CTNND2: variants seen among roughly 807,000 people sequenced by gnomAD.
The protein encoded by CTNND2 is catenin delta 2, also known as catenin delta-2.
In CTNND2, 22 loss-of-function variants were observed where a neutral mutation model predicts 144.4. The observed-to-expected ratio is 0.15, with a 90% CI of 0.11 to 0.22. The LOEUF is 0.22. Among genes scored for constraint, CTNND2 ranks in the 10% least tolerant of loss-of-function variants. CTNND2 has a pLI of 1.00. For missense variants in CTNND2, 1,353 were observed against 1,618.8 expected (o/e 0.84, Z 2.82); for synonymous variants, 751 against 695.6 (o/e 1.08, Z -1.25).
chr5:11,756,055 C>T (rs1788918139), intron 1 of CTNND2, among the ~76,000 whole-genome samples: 1 of 151,588 alleles, frequency 6.6e-6, no homozygotes, highest in Non-Finnish European at 1.5e-5. Context: ...TGGTCTTTCT[C>T]ATCTGAGTAA....
intron 3 of CTNND2, among the ~76,000 whole-genome samples, chr5:11,493,929 C>T (rs556800721): frequency 1.7e-4 from 26 of 150,980 alleles, no homozygotes; most frequent in Middle Eastern, 3.5e-3. Flanking sequence ...TTTGTAGCTG[C>T]GATAATTTAG....
chr5:11,731,548 C>T (rs1787390454), intron 2 of CTNND2, among the ~76,000 whole-genome samples: 1 of 152,140 alleles, frequency 6.6e-6, no homozygotes, highest in Non-Finnish European at 1.5e-5. Context: ...TTACAAGAAA[C>T]ATGACTTTTA....
intron 3 of CTNND2, among the ~76,000 whole-genome samples, chr5:11,546,515 G>T (rs1432231156): frequency 1.3e-5 from 2 of 152,102 alleles, no homozygotes; most frequent in African/African-American, 2.4e-5. Flanking sequence ...GAGGTAATTA[G>T]CAAGTTTAGT....
At chr5:11,228,263 T>C (rs544730724) in intron 10 of CTNND2, among the ~76,000 whole-genome samples, 1 of 148,216 alleles carries the variant, frequency 6.7e-6, no homozygotes, top group East Asian at 2.1e-4. Context: ...GAGAATCACT[T>C]GTACCCAGGG....
chr5:11,457,242 A>AT (rs34524144), intron 3 of CTNND2, among the ~76,000 whole-genome samples: 81 of 150,080 alleles, frequency 5.4e-4, no homozygotes, highest in African/African-American at 1.7e-3. Flanking sequence ...TCTCTACACA[A>AT]TTTTTTTTTT....
At chr5:11,237,990 C>T (rs1741825057) in intron 9 of CTNND2, among the ~76,000 whole-genome samples, 1 of 152,158 alleles carries the variant, frequency 6.6e-6, no homozygotes, top group Non-Finnish European at 1.5e-5. Context: ...TTATGCATTG[C>T]ACTTTCTTTT....
chr5:11,117,861 T>C (rs1285875224), intron 12 of CTNND2, among the ~76,000 whole-genome samples: 2 of 152,228 alleles, frequency 1.3e-5, no homozygotes, highest in African/African-American at 4.8e-5. Flanking sequence ...GAAAGTCTTC[T>C]AGGTTTACTC....
intron 1 of CTNND2, among the ~76,000 whole-genome samples, chr5:11,779,790 T>G (rs1168760192): frequency 1.3e-5 from 2 of 152,218 alleles, no homozygotes; most frequent in Non-Finnish European, 2.9e-5. Context: ...CAGTTTAATG[T>G]ATTAAATTTC....
intron 3 of CTNND2, among the ~76,000 whole-genome samples, chr5:11,488,770 A>T (rs1297616161): frequency 6.6e-6 from 1 of 152,188 alleles, no homozygotes; most frequent in Admixed American, 6.5e-5. Flanking sequence ...TTCCATCGTT[A>T]TGACTGTCCT....
intron 5 of CTNND2, among the ~76,000 whole-genome samples, chr5:11,404,318 G>A (rs1359490108): frequency 6.6e-6 from 1 of 152,128 alleles, no homozygotes; most frequent in African/African-American, 2.4e-5. Context: ...CTGTTGACCT[G>A]GCTTTGTCCT....
At chr5:11,727,941 G>A (rs961320111) in intron 2 of CTNND2, among the ~76,000 whole-genome samples, 3 of 152,186 alleles carry the variant, frequency 2.0e-5, no homozygotes, top group Non-Finnish European at 2.9e-5. Context: ...AATTAAGGGA[G>A]TATTTTATAA....
chr5:11,833,649 G>A (rs1794024459), intron 1 of CTNND2, among the ~76,000 whole-genome samples: 1 of 152,006 alleles, frequency 6.6e-6, no homozygotes, highest in African/African-American at 2.4e-5. Context: ...TCAGCCTCCC[G>A]AGTAGCTGGG....
intron 13 of CTNND2, among the ~76,000 whole-genome samples, chr5:11,113,104 G>A (rs1359068387): frequency 1.3e-5 from 2 of 152,106 alleles, no homozygotes; most frequent in African/African-American, 4.8e-5. Flanking sequence ...TTGCGCCACT[G>A]CACTCCAGCC....
chr5:11,232,614 G>T (rs1186196047), intron 10 of CTNND2, among the ~76,000 whole-genome samples: 3 of 152,232 alleles, frequency 2.0e-5, no homozygotes, highest in Non-Finnish European at 2.9e-5. Flanking sequence ...TATCTTGGAA[G>T]GAACTAACTT....
At chr5:11,321,289 G>C (rs1752004845) in intron 9 of CTNND2, among the ~76,000 whole-genome samples, 1 of 152,192 alleles carries the variant, frequency 6.6e-6, no homozygotes, top group Non-Finnish European at 1.5e-5. Flanking sequence ...TGCAGATATT[G>C]TGTTGATAAT....
At chr5:11,254,999 C>T (rs1194390746) in intron 9 of CTNND2, among the ~76,000 whole-genome samples, 1 of 152,174 alleles carries the variant, frequency 6.6e-6, no homozygotes, top group Admixed American at 6.5e-5. Context: ...TAAAATTTGT[C>T]TTTGGAGTCA....
At chr5:11,741,373 G>A (rs1787996952) in intron 1 of CTNND2, among the ~76,000 whole-genome samples, 1 of 152,108 alleles carries the variant, frequency 6.6e-6, no homozygotes, top group South Asian at 2.1e-4. Flanking sequence ...ATACACCATG[G>A]AATACCATGC....
chr5:11,462,202 G>A (rs1338007920), intron 3 of CTNND2, among the ~76,000 whole-genome samples: 1 of 152,016 alleles, frequency 6.6e-6, no homozygotes, highest in Non-Finnish European at 1.5e-5. Flanking sequence ...CATAATTCCT[G>A]GCCAAGAGCA....
At chr5:11,617,240 C>A (rs540809741) in intron 2 of CTNND2, among the ~76,000 whole-genome samples, 110 of 152,184 alleles carry the variant, frequency 7.2e-4, no homozygotes, top group Non-Finnish European at 1.3e-3. Context: ...TGGGTTACGA[C>A]ACTGATGTTG....
Sources: gnomAD v4.1 joint callset for allele counts (sites outside exome capture counted in the v4.1 genomes callset) on GRCh38, gnomAD v4.1.1 for gene constraint, MANE v1.5 for transcripts, NCBI Gene and HGNC (gene_info 2026-07-23, HGNC 2026-07-21) for gene names.